The following ADAMTS20 variants were observed in gnomAD, a reference collection of about 807,000 sequenced individuals.
ADAMTS20 encodes A disintegrin and metalloproteinase with thrombospondin motifs 20.
Under a neutral mutation model 260.1 loss-of-function variants are expected in ADAMTS20, and 225 were observed. The observed-to-expected ratio is 0.87, with a 90% CI of 0.78 to 0.97. The LOEUF (loss-of-function observed/expected upper bound fraction) is 0.97. Ranked by LOEUF, ADAMTS20 falls within the 50% of genes least tolerant of loss-of-function variation. The pLI, the probability that ADAMTS20 is intolerant of heterozygous loss-of-function variation, is 0.00. For synonymous variants in ADAMTS20, 802 were observed against 769.5 expected (o/e 1.04, Z -0.70); for missense variants, 2,400 against 2,337.7 (o/e 1.03, Z -0.55).
intron 18 of ADAMTS20, 100 bp from the exon 19 acceptor site, chr12:43,434,471 A>G: frequency 7.8e-7 from 1 of 1,277,662 alleles, no homozygotes. Flanking sequence ...GAGCCAGCTA[A>G]GCAAGTAAAA....
In ADAMTS20 at chr12:43,428,265, C is replaced by G; in HGVS notation, c.3921G>C (p.Gln1307His). The change falls in exon 26 of 39, where the codon CAG (glutamine) becomes CAC (histidine). Residue 1307 changes from glutamine to histidine, a missense_variant. Transcript: ENST00000389420. ...QVVHPSVRGN[Q>H]WRTGPWGSCS... is the part of the protein sequence containing the mutation. Reference sequence around the variant, plus strand: ...CTGATCCCCATGGTCCGGTTCTCCACTGGTTTCCTCTGACTGATGGATGGA... The same window carrying G: ...CTGATCCCCATGGTCCGGTTCTCCAGTGGTTTCCTCTGACTGATGGATGGA... 6.2e-7 allele frequency: 1 copy of G among 1,613,958 alleles called. No homozygotes were observed. The highest frequency in any genetic ancestry group is 1.1e-5 in the South Asian group (1 of 91,084).
At chr12:43,548,872 T>G (rs61925194) in intron 2 of ADAMTS20, among the ~76,000 whole-genome samples, 14,291 of 152,070 alleles carry the variant, frequency 0.094, 859 homozygotes, top group Admixed American at 0.2. Flanking sequence ...AAGAAACGTT[T>G]AAATGTTTTA....
intron 4 of ADAMTS20, among the ~76,000 whole-genome samples, chr12:43,496,472 C>A (rs1942679137): frequency 3.3e-5 from 5 of 152,134 alleles, no homozygotes; most frequent in Admixed American, 3.3e-4. Flanking sequence ...ATTTCAAAAC[C>A]CTGCTGCAAC....
intron 11 of ADAMTS20, among the ~76,000 whole-genome samples, chr12:43,455,738 T>G (rs1430554885): frequency 1.3e-5 from 2 of 151,036 alleles, no homozygotes; most frequent in African/African-American, 4.9e-5. Context: ...AGATGGAGTC[T>G]CGCTCCGTCA....
At chr12:43,515,129 C>T (rs1185547779) in intron 3 of ADAMTS20, among the ~76,000 whole-genome samples, 2 of 152,336 alleles carry the variant, frequency 1.3e-5, no homozygotes, top group Non-Finnish European at 2.9e-5. Context: ...ACCACAATCT[C>T]TAACTATCTG....
chr12:43,514,876 C>T (rs888916480), intron 3 of ADAMTS20, among the ~76,000 whole-genome samples: 2 of 152,100 alleles, frequency 1.3e-5, no homozygotes, highest in Non-Finnish European at 2.9e-5. Context: ...TGCTGAATAT[C>T]GATATCTACT....
chr12:43,477,487 T>TGG (rs970818084), intron 7 of ADAMTS20, among the ~76,000 whole-genome samples: 9 of 152,196 alleles, frequency 5.9e-5, no homozygotes, highest in African/African-American at 2.2e-4. Flanking sequence ...TCTACAAGTG[T>TGG]GGAAGACTGG....
chr12:43,406,735 T>G (rs1940926969), intron 28 of ADAMTS20, among the ~76,000 whole-genome samples: 1 of 152,096 alleles, frequency 6.6e-6, no homozygotes, highest in Non-Finnish European at 1.5e-5. Flanking sequence ...ATCTTAGATA[T>G]GAGTTTATAC....
intron 14 of ADAMTS20, among the ~76,000 whole-genome samples, chr12:43,450,471 G>A (rs1941844994): frequency 6.6e-6 from 1 of 152,030 alleles, no homozygotes; most frequent in African/African-American, 2.4e-5. Context: ...CTTTTGCATT[G>A]TCATATGACT....
rs1272403615 is a variant in ADAMTS20, at chr12:43,377,382, C to G, written c.4978G>C (p.Val1660Leu). The change falls in exon 32 of 39, where the codon GTT (valine) becomes CTT (leucine). Residue 1660 changes from valine (V) to leucine (L), a missense_variant. Val to Leu is a conservative substitution (Grantham distance 32, BLOSUM62 1). Transcript: ENST00000389420. Reference protein sequence around the residue: ...NSCLHLATWKVGKWSKCSVTC... With the variant: ...NSCLHLATWKLGKWSKCSVTC... ...ACACCGACCTTGCTCCATTTTCCAACTTTCCAAGTGGCCAAATGCAAACAG... is the reference window on the plus strand; with the variant it reads ...ACACCGACCTTGCTCCATTTTCCAAGTTTCCAAGTGGCCAAATGCAAACAG... 6.2e-7 allele frequency: 1 copy of G among 1,611,836 alleles called. No homozygotes were observed. Among genetic ancestry groups the G allele is most frequent in the African/African-American group, 1.3e-5 (1 of 74,870 alleles).
intron 3 of ADAMTS20, among the ~76,000 whole-genome samples, chr12:43,520,047 C>A (rs1028039713): frequency 6.6e-6 from 1 of 152,026 alleles, no homozygotes; most frequent in Non-Finnish European, 1.5e-5. Context: ...TTTACCACAG[C>A]CTGTATTATA....
chr12:43,444,028 T>C (rs939915084), intron 15 of ADAMTS20, 145 bp from the exon 16 acceptor site: 15 of 604,822 alleles, frequency 2.5e-5, no homozygotes, highest in African/African-American at 1.8e-4. Flanking sequence ...GTTATTCTTT[T>C]TGAGTCAGTA....
At chr12:43,549,956 T>A (rs1226450942) in intron 2 of ADAMTS20, among the ~76,000 whole-genome samples, 1 of 152,252 alleles carries the variant, frequency 6.6e-6, no homozygotes, top group Admixed American at 6.5e-5. Flanking sequence ...TCCAGAAGTA[T>A]CTTTTGTAAA....
In ADAMTS20 at chr12:43,376,325, AT is replaced by A. The variant is rs1940227582; in HGVS notation, c.5130del (p.Lys1710AsnfsTer11). On this transcript the variant is annotated frameshift_variant, in exon 34 of 39. Coordinates refer to ENST00000389420, the MANE Select transcript of ADAMTS20 (RefSeq NM_025003.5). LOFTEE classifies it high-confidence loss of function. ...TGAATTTCTTTGCAGGTGGTAAATG[AT>A]TTACCTTCAAAGACAAATTAACACA... ...AQKKCYANDC[K>X]SFTTCKEIQV... The A allele has an allele frequency of 6.5e-7, 1 of 1,549,564 alleles. No individual in the cohort carries two copies. Among genetic ancestry groups the A allele is most frequent in the East Asian group, 2.4e-5 (1 of 41,240 alleles).
In ADAMTS20 at chr12:43,379,227, G is replaced by A. The variant is rs115442950; in HGVS notation, c.4798-1665C>T. 4.1e-3 allele frequency among the ~76,000 whole-genome samples: 620 copies of A among 152,222 alleles called. 11 individuals carry two copies. The highest frequency in any genetic ancestry group is 0.014 in the African/African-American group (587 of 41,542). On this transcript the variant is annotated intron_variant, in intron 31 of 38. Transcript: ENST00000389420. ...CTAAAAATCTAGGGACATTTGTTGC[G>A]CTCAATTAAAAACCATTGTTTAACT...
chr12:43,509,756 T>C lies in ADAMTS20; in HGVS notation c.614-7351A>G, dbSNP rs1278553330. ...TTTGGGTTGTTATCCAGGTCTTATA[T>C]ATTGTATTGGGTCATATATTCATCA... On this transcript the variant is annotated intron_variant, in intron 3 of 38. Coordinates refer to ENST00000389420, the MANE Select transcript of ADAMTS20 (RefSeq NM_025003.5). 3.3e-5 allele frequency among the ~76,000 whole-genome samples: 5 copies of C among 152,110 alleles called. No homozygotes were observed. In the South Asian group the frequency reaches 8.3e-4, roughly 25 times the overall value.
chr12:43,466,927 A>C, intron 8 of ADAMTS20, 132 bp from the exon 9 acceptor site: 1 of 682,730 alleles, frequency 1.5e-6, no homozygotes, highest in South Asian at 2.5e-5. Context: ...TTTGAACTCC[A>C]TCTATCCATA....
chr12:43,409,601 C>CAAAAAAAAAAAAAAAA (rs67474640), intron 28 of ADAMTS20, among the ~76,000 whole-genome samples: 9 of 46,906 alleles, frequency 1.9e-4, no homozygotes, highest in Admixed American at 7.3e-4. Flanking sequence ...GACTCCGTCT[C>CAAAAAAAAAAAAAAAA]AAAAAAAAAA....
intron 28 of ADAMTS20, among the ~76,000 whole-genome samples, chr12:43,416,861 T>C (rs12302665): frequency 0.015 from 2,281 of 152,236 alleles, 52 homozygotes; most frequent in African/African-American, 0.051. Flanking sequence ...GGTTTTGCTA[T>C]AGGTGGTCTC....
Sources: gnomAD v4.1 joint callset for allele counts (sites outside exome capture counted in the v4.1 genomes callset) on GRCh38, gnomAD v4.1.1 for gene constraint, MANE v1.5 for transcripts, NCBI Gene and HGNC (gene_info 2026-07-23, HGNC 2026-07-21) for gene names.